SLC20A2: variants seen among roughly 807,000 people sequenced by gnomAD.
The protein encoded by SLC20A2 is sodium-dependent phosphate transporter 2.
In SLC20A2, 30 loss-of-function variants were observed where a neutral mutation model predicts 61.0. The ratio of observed to expected loss-of-function variants is 0.49; its 90% CI spans 0.37 to 0.67. SLC20A2 has a LOEUF of 0.67. Ranked by LOEUF, SLC20A2 falls within the 30% of genes least tolerant of loss-of-function variation. SLC20A2 has a pLI of 0.00. For missense variants in SLC20A2, 626 were observed against 866.4 expected (o/e 0.72, Z 3.48); for synonymous variants, 351 against 353.3 (o/e 0.99, Z 0.07).
chr8:42,436,334 G>T (rs920675739), intron 8 of SLC20A2, among the ~76,000 whole-genome samples: 4 of 152,072 alleles, frequency 2.6e-5, no homozygotes, highest in Admixed American at 2.0e-4. Flanking sequence ...GCAGCATCGC[G>T]CCCTGGCTGC....
In SLC20A2 at chr8:42,441,462, T is replaced by A. The variant is rs144922669; in HGVS notation, c.731-1809A>T. Among the ~76,000 whole-genome samples the A allele has an allele frequency of 4.5e-3, 676 of 149,624 alleles. 16 individuals are homozygous for A. The highest frequency in any genetic ancestry group is 0.013 in the African/African-American group (507 of 40,372). On this transcript the variant is annotated intron_variant, in intron 6 of 10. Coordinates refer to ENST00000520262, the MANE Select transcript of SLC20A2 (RefSeq NM_001257180.2). ...TCACCGTGCCTGGGCTATTTTGTTC[T>A]TTTTGTTTGTTTGTTTGTTTGTTTT...
At chr8:42,534,194 A>G (rs1812560237) in intron 1 of SLC20A2, among the ~76,000 whole-genome samples, 1 of 152,086 alleles carries the variant, frequency 6.6e-6, no homozygotes, top group African/African-American at 2.4e-5. Flanking sequence ...CACGAGAATT[A>G]CTTGTACCTG....
At chr8:42,438,063 C>A (rs141880673) in intron 7 of SLC20A2, among the ~76,000 whole-genome samples, 6,421 of 26,624 alleles carry the variant, frequency 0.24, 1,539 homozygotes, top group East Asian at 0.35. Flanking sequence ...AAAAAAAAAC[C>A]AAAAAAAAAA....
chr8:42,511,937 A>G (rs2974293), intron 1 of SLC20A2, among the ~76,000 whole-genome samples: 76,924 of 151,890 alleles, frequency 0.51, 19,455 homozygotes, highest in East Asian at 0.52. Context: ...TCTCAGAACT[A>G]TAATAGCCCA....
At chr8:42,528,015 CT>C (rs1812084621) in intron 1 of SLC20A2, among the ~76,000 whole-genome samples, 1 of 152,054 alleles carries the variant, frequency 6.6e-6, no homozygotes, top group African/African-American at 2.4e-5. Context: ...TTCTTTATAC[CT>C]TTCTGTATTA....
At chr8:42,525,581 CAAAAAA>C (rs34356863) in intron 1 of SLC20A2, among the ~76,000 whole-genome samples, 9 of 68,720 alleles carry the variant, frequency 1.3e-4, no homozygotes, top group Admixed American at 3.6e-4. Flanking sequence ...GACTCTGTCT[CAAAAAA>C]AAAAAAAAAA....
At chr8:42,470,811 TA>T (rs1161027545) in intron 2 of SLC20A2, among the ~76,000 whole-genome samples, 3 of 151,644 alleles carry the variant, frequency 2.0e-5, no homozygotes, top group Non-Finnish European at 4.4e-5. Context: ...CTGTCTCTAC[TA>T]AAAATACAAA....
chr8:42,484,894 C>T, intron 1 of SLC20A2: 1 of 408,958 alleles, frequency 2.4e-6, no homozygotes, highest in Non-Finnish European at 4.9e-6. Flanking sequence ...CTCGGCCATG[C>T]AGCTGGCCCT....
upstream of SLC20A2, among the ~76,000 whole-genome samples, chr8:42,505,147 C>T (rs1246385031): frequency 2.0e-5 from 3 of 151,406 alleles, no homozygotes; most frequent in Admixed American, 6.6e-5. Context: ...CTCACTCTGT[C>T]GCCCAGCCTG....
In SLC20A2 at chr8:42,472,360, T is replaced by G. The variant is rs201836672; in HGVS notation, c.31A>C (p.Ile11Leu). Residue 11 changes from isoleucine (I) to leucine (L), a missense_variant, in exon 2 of 11, where the codon ATT becomes CTT. Coordinates refer to ENST00000520262, the MANE Select transcript of SLC20A2 (RefSeq NM_001257180.2). The surrounding 1 kb of genome is among the most constrained non-coding windows in gnomAD (Gnocchi z 4.1). MAMDEYLWMV[I>L]LGFIIAFILA... ...ATGAAAGCTATGATGAAACCCAAAATGACCATCCACAAATACTCATCCATG... is the reference window on the plus strand; with the variant it reads ...ATGAAAGCTATGATGAAACCCAAAAGGACCATCCACAAATACTCATCCATG... 1.2e-6 allele frequency: 2 copies of G among 1,614,178 alleles called. No individual in the cohort carries two copies. Among genetic ancestry groups the G allele is most frequent in the East Asian group, 4.5e-5 (2 of 44,892 alleles).
chr8:42,531,283 A>G (rs1812302694), intron 1 of SLC20A2, among the ~76,000 whole-genome samples: 1 of 152,178 alleles, frequency 6.6e-6, no homozygotes, highest in Non-Finnish European at 1.5e-5. Flanking sequence ...TGAATATTAC[A>G]GGACCATTAA....
At chr8:42,421,532 C>T (rs1185412500) in intron 10 of SLC20A2, among the ~76,000 whole-genome samples, 5 of 152,146 alleles carry the variant, frequency 3.3e-5, no homozygotes, top group African/African-American at 1.2e-4. Context: ...CGGCCGGGTG[C>T]GGTGGCTCAT....
chr8:42,526,467 A>C (rs1417718050), intron 1 of SLC20A2, among the ~76,000 whole-genome samples: 8 of 151,934 alleles, frequency 5.3e-5, no homozygotes, highest in Non-Finnish European at 8.8e-5. Flanking sequence ...AGGTCAGGAG[A>C]TCGAGACCCT....
At chr8:42,434,367 G>A (rs531163483) in intron 8 of SLC20A2, among the ~76,000 whole-genome samples, 25 of 151,608 alleles carry the variant, frequency 1.6e-4, no homozygotes, top group African/African-American at 5.1e-4. Context: ...GATTATAGGC[G>A]TGAGCCACCA....
At chr8:42,481,826 G>A (rs528612476) in intron 1 of SLC20A2, among the ~76,000 whole-genome samples, 1 of 152,268 alleles carries the variant, frequency 6.6e-6, no homozygotes, top group African/African-American at 2.4e-5. Flanking sequence ...TTCGGACCCT[G>A]AGGGTTCAGC....
At chr8:42,434,979 C>T (rs951118200) in intron 8 of SLC20A2, among the ~76,000 whole-genome samples, 4 of 152,040 alleles carry the variant, frequency 2.6e-5, no homozygotes, top group South Asian at 2.1e-4. Flanking sequence ...TACTTTTCCA[C>T]GGATATGTTT....
At chr8:42,520,419 T>TCCTGGGCCCAG (rs1178876049) in intron 1 of SLC20A2, among the ~76,000 whole-genome samples, 2 of 124,888 alleles carry the variant, frequency 1.6e-5, no homozygotes, top group Admixed American at 7.9e-5. Flanking sequence ...TACAAAGAAT[T>TCCTGGGCCCAG]GATATTTTAA....
At chr8:42,499,137 G>T (rs1159350133) in intron 1 of SLC20A2, among the ~76,000 whole-genome samples, 1 of 152,196 alleles carries the variant, frequency 6.6e-6, no homozygotes, top group Non-Finnish European at 1.5e-5. Flanking sequence ...CACCTGCGGC[G>T]TGGGAACAGC....
chr8:42,531,312 T>G (rs1812305106), intron 1 of SLC20A2, among the ~76,000 whole-genome samples: 1 of 152,160 alleles, frequency 6.6e-6, no homozygotes, highest in Non-Finnish European at 1.5e-5. Context: ...TAGCCATTCT[T>G]TTAGCTCTAA....
Sources: gnomAD v4.1 joint callset for allele counts (sites outside exome capture counted in the v4.1 genomes callset) on GRCh38, gnomAD v4.1.1 for gene constraint, Gnocchi (gnomAD v3.1) non-coding constraint, MANE v1.5 for transcripts, NCBI Gene and HGNC (gene_info 2026-07-23, HGNC 2026-07-21) for gene names.